The following NCOR1 variants were observed in gnomAD, a reference collection of about 807,000 sequenced individuals.
NCOR1 encodes the protein protein phosphatase 1, regulatory subunit 109.
A neutral mutation model predicts 288.1 loss-of-function variants in NCOR1; 63 were observed. That is an observed-to-expected ratio of 0.22 (90% CI 0.18 to 0.27). The LOEUF (loss-of-function observed/expected upper bound fraction) is 0.27, where lower values mean the gene tolerates loss of function less well. Ranked by LOEUF, NCOR1 falls within the 10% of genes least tolerant of loss-of-function variation. The probability of loss-of-function intolerance (pLI) is 1.00; values close to 1 mark genes in which losing one functional copy is unlikely to be tolerated. For synonymous variants in NCOR1, 1,007 were observed against 1,065.9 expected (o/e 0.94, Z 1.08); for missense variants, 2,397 against 3,019.2 (o/e 0.79, Z 4.83).
chr17:16,181,945 T>A (rs2085571423), intron 3 of NCOR1, among the ~76,000 whole-genome samples: 1 of 152,148 alleles, frequency 6.6e-6, no homozygotes, highest in African/African-American at 2.4e-5. Flanking sequence ...ACAAACTTTT[T>A]TTTTTCCAAA....
intron 40 of NCOR1, among the ~76,000 whole-genome samples, chr17:16,052,325 C>T (rs2059419573): frequency 6.6e-6 from 1 of 151,994 alleles, no homozygotes; most frequent in African/African-American, 2.4e-5. Context: ...CACCCGGCCT[C>T]AGAATCTGGT....
chr17:16,207,573 C>T (rs2091662061), intron 1 of NCOR1, among the ~76,000 whole-genome samples: 1 of 151,898 alleles, frequency 6.6e-6, no homozygotes, highest in Non-Finnish European at 1.5e-5. Flanking sequence ...AACCCCATCT[C>T]TACTAAAAAT....
At chr17:16,113,963 C>A (rs1477704126) in intron 18 of NCOR1, among the ~76,000 whole-genome samples, 2 of 151,870 alleles carry the variant, frequency 1.3e-5, no homozygotes, top group Non-Finnish European at 2.9e-5. Context: ...CATTATCAAT[C>A]TTTTATCAAT....
At chr17:16,036,213 T>C (rs2056333095) in intron 44 of NCOR1, among the ~76,000 whole-genome samples, 1 of 152,200 alleles carries the variant, frequency 6.6e-6, no homozygotes, top group South Asian at 2.1e-4. Flanking sequence ...CCATCAGAGC[T>C]CTTGGGTGAC....
At position 16,133,670 on chromosome 17, in the gene NCOR1, T is replaced by C. The variant is rs181413449; in HGVS notation, c.1509+3641A>G. On this transcript the variant is annotated intron_variant, in intron 14 of 45. Transcript: ENST00000268712. ...ATCTTTTTCCTACACTCCAGACTTA[T>C]ATGTCTAACTATCCACTTTACTTGG... 3.4e-3 allele frequency among the ~76,000 whole-genome samples: 511 copies of C among 152,336 alleles called. 2 individuals are homozygous for C. Among genetic ancestry groups the C allele is most frequent in the Non-Finnish European group, 3.6e-3 (242 of 68,026 alleles).
At chr17:16,194,314 C>T (rs993284723) in intron 2 of NCOR1, 148 bp downstream of exon 2, 7 of 482,086 alleles carry the variant, frequency 1.5e-5, no homozygotes, top group Non-Finnish European at 2.6e-5. Flanking sequence ...AATTCCCAAT[C>T]TTTGGTTCCT....
chr17:16,151,967 A>C lies in NCOR1; in HGVS notation c.821T>G (p.Val274Gly). Residue 274 changes from valine to glycine, a missense_variant, in exon 8 of 46, where the codon GTG (valine) becomes GGG (glycine). Around this residue, in one of 11 missense-constraint regions of NCOR1, gnomAD observed 76 missense variants for 102.2 expected, o/e 0.74. Coordinates refer to ENST00000268712, the MANE Select transcript of NCOR1 (RefSeq NM_006311.4). The stretch of plus-strand genomic sequence containing the variant: ...TTACGTCTTGATGTTCTCATGGTAC[A>C]CCTTGGTATCTGATGGCTGGTTATA... ...PLYNQPSDTK[V>G]YHENIKTNQV... 1 of 1,598,974 alleles carries C rather than the reference A, an allele frequency of 6.3e-7. No individual in the cohort carries two copies. The highest frequency in any genetic ancestry group is 1.1e-5 in the South Asian group (1 of 87,754).
At chr17:16,058,636 CA>C in intron 37 of NCOR1, 37 bp from the exon 38 acceptor site, 1 of 1,575,938 alleles carries the variant, frequency 6.3e-7, no homozygotes, top group Non-Finnish European at 8.6e-7. Flanking sequence ...AAACTAATCC[CA>C]GGAAAAGTTT....
In NCOR1 at chr17:16,130,177, G is replaced by A. The variant is rs796708685; in HGVS notation, c.1510-3971C>T. 9.8e-5 allele frequency among the ~76,000 whole-genome samples: 15 copies of A among 152,348 alleles called. 1 individual carries two copies. The highest frequency in any genetic ancestry group is 3.4e-4 in the African/African-American group (14 of 41,584). On this transcript the variant is annotated intron_variant, in intron 14 of 45. Transcript: ENST00000268712. The stretch of plus-strand genomic sequence containing the variant: ...GGTGAGCGGAGAGGAAGTGCAGTCA[G>A]CAGCAACTGGAGGACCTCACCTTTG...
At chr17:16,098,610 TGGACACAC>T (rs1381399243) in intron 20 of NCOR1, 114 bp from the exon 21 acceptor site, 2 of 827,774 alleles carry the variant, frequency 2.4e-6, no homozygotes, top group East Asian at 5.5e-5. Flanking sequence ...CATGGACACA[TGGACACAC>T]ATATATTAAC....
intron 26 of NCOR1, 30 bp downstream of exon 26, chr17:16,079,934 T>C (rs1162124787): frequency 2.6e-6 from 4 of 1,539,176 alleles, no homozygotes; most frequent in East Asian, 2.3e-5. Flanking sequence ...TGAGCTTCTG[T>C]TGAGTATATC....
intron 14 of NCOR1, among the ~76,000 whole-genome samples, chr17:16,128,317 C>G (rs1308027073): frequency 6.6e-6 from 1 of 152,194 alleles, no homozygotes; most frequent in African/African-American, 2.4e-5. Flanking sequence ...AATGCTACAT[C>G]TCCTGTGAAG....
chr17:16,145,783 C>T (rs889920630), intron 10 of NCOR1, among the ~76,000 whole-genome samples: 98 of 152,232 alleles, frequency 6.4e-4, no homozygotes, highest in African/African-American at 1.8e-3. Flanking sequence ...GCCGCTGCCC[C>T]GTCTGGGAGG....
At chr17:16,172,283 G>A (rs1216013555) in intron 3 of NCOR1, among the ~76,000 whole-genome samples, 1 of 152,032 alleles carries the variant, frequency 6.6e-6, no homozygotes, top group Non-Finnish European at 1.5e-5. Flanking sequence ...TTGAACCTGG[G>A]AGGTGGAGGT....
intron 35 of NCOR1, 39 bp from the exon 36 acceptor site, chr17:16,062,309 G>A (rs776784158): frequency 5.8e-6 from 9 of 1,539,994 alleles, no homozygotes; most frequent in Non-Finnish European, 8.7e-7. Context: ...AAGACATAAG[G>A]AGGAAGCCAG....
chr17:16,180,141 C>T (rs1177105350), intron 3 of NCOR1, among the ~76,000 whole-genome samples: 1 of 151,858 alleles, frequency 6.6e-6, no homozygotes, highest in African/African-American at 2.4e-5. Context: ...GACATTTCTC[C>T]AAAGAAAACA....
In NCOR1 at chr17:16,087,030, G is replaced by A; in HGVS notation, c.3017-588C>T. On this transcript the variant is annotated intron_variant, in intron 22 of 45. Transcript: ENST00000268712. ...GTGAACTCAACTAAATACAACTGAT[G>A]ATGGAACGCAGAGAAACAAAGTCAT... 5 of 533,850 alleles carry A rather than the reference G, an allele frequency of 9.4e-6. No homozygotes were observed. In the South Asian group the frequency reaches 1.0e-4, roughly 11 times the overall value. The allele number at this position is 533,850 out of a possible 1,614,324, so 33.1% of individuals were successfully genotyped here.
chr17:16,179,957 C>CAAAAAAAA (rs34531259), intron 3 of NCOR1, among the ~76,000 whole-genome samples: 2 of 75,614 alleles, frequency 2.6e-5, no homozygotes, highest in African/African-American at 1.1e-4. Context: ...GACTCTGTCT[C>CAAAAAAAA]AAAAAAAAAA....
chr17:16,199,189 C>T (rs571339396), intron 1 of NCOR1, among the ~76,000 whole-genome samples: 3 of 136,832 alleles, frequency 2.2e-5, no homozygotes, highest in South Asian at 4.6e-4. Context: ...AAGTACTATC[C>T]GCCCAATACA....
Sources: gnomAD v4.1 joint callset for allele counts (sites outside exome capture counted in the v4.1 genomes callset) on GRCh38, gnomAD v4.1.1 for gene constraint, gnomAD v4.1.1 regional missense constraint, MANE v1.5 for transcripts, NCBI Gene and HGNC (gene_info 2026-07-23, HGNC 2026-07-21) for gene names.